The following BABAM2 variants were observed in gnomAD, a reference collection of about 807,000 sequenced individuals.
BABAM2 encodes the protein BRISC and BRCA1 A complex member 2.
Under a neutral mutation model 54.7 loss-of-function variants are expected in BABAM2, and 31 were observed. The observed-to-expected ratio is 0.57, with a 90% CI of 0.43 to 0.77. The LOEUF (loss-of-function observed/expected upper bound fraction) is 0.77. Ranked by LOEUF, BABAM2 falls within the 30% of genes least tolerant of loss-of-function variation. BABAM2 has a pLI of 0.00. For missense variants in BABAM2, 364 were observed against 455.8 expected (o/e 0.80, Z 1.83); for synonymous variants, 167 against 162.9 (o/e 1.03, Z -0.19).
At chr2:28,310,628 A>C (rs1310167281) in intron 11 of BABAM2, among the ~76,000 whole-genome samples, 1 of 152,202 alleles carries the variant, frequency 6.6e-6, no homozygotes, top group Non-Finnish European at 1.5e-5. Context: ...TCACACCTGT[A>C]ATCCCAGCAC....
chr2:28,053,006 C>T (rs1678115733), intron 6 of BABAM2, among the ~76,000 whole-genome samples: 1 of 152,164 alleles, frequency 6.6e-6, no homozygotes, highest in South Asian at 2.1e-4. Flanking sequence ...TTTAGCATTA[C>T]ATGTTTGCTA....
At chr2:27,911,032 C>T (rs1330624786) in intron 2 of BABAM2, among the ~76,000 whole-genome samples, 11 of 152,142 alleles carry the variant, frequency 7.2e-5, no homozygotes, top group Non-Finnish European at 5.9e-5. Context: ...AGGGGCTTTT[C>T]CCCCTTTTGC....
chr2:28,068,382 GCAGA>G (rs1351477796), intron 6 of BABAM2, among the ~76,000 whole-genome samples: 2 of 152,146 alleles, frequency 1.3e-5, no homozygotes, highest in African/African-American at 2.4e-5. Context: ...CTTGGCTGCT[GCAGA>G]CAGCCTTTGT....
chr2:28,024,269 G>A (rs1011205998), intron 4 of BABAM2, among the ~76,000 whole-genome samples: 3 of 152,088 alleles, frequency 2.0e-5, no homozygotes, highest in African/African-American at 7.2e-5. Flanking sequence ...AGCCGGGCCT[G>A]GTGGCGGGCG....
Position 28,087,347 on chromosome 2 carries a change from C to T in BABAM2, c.570+41548C>T, listed in dbSNP as rs547430520. On this transcript the variant is annotated intron_variant, in intron 6 of 11. Transcript: ENST00000379624. ...AGATTTTCATGGACTCATCAGAGAACTAAGGCAACAGAACAAACAGCTATC... is the reference window on the plus strand; with the variant it reads ...AGATTTTCATGGACTCATCAGAGAATTAAGGCAACAGAACAAACAGCTATC... Among the ~76,000 whole-genome samples the T allele has an allele frequency of 1.8e-4, 28 of 152,232 alleles. No individual in the cohort carries two copies. In the South Asian group the frequency reaches 3.7e-3, roughly 20 times the overall value.
At chr2:28,071,776 A>G (rs1664164824) in intron 6 of BABAM2, among the ~76,000 whole-genome samples, 1 of 152,174 alleles carries the variant, frequency 6.6e-6, no homozygotes, top group South Asian at 2.1e-4. Context: ...CAAGTTGACT[A>G]TTTATGTATT....
chr2:28,299,360 C>G (rs574910208), intron 11 of BABAM2, among the ~76,000 whole-genome samples: 50 of 152,278 alleles, frequency 3.3e-4, no homozygotes, highest in African/African-American at 1.2e-3. Flanking sequence ...ACTTTGGTGT[C>G]TGGAACATCA....
At chr2:28,071,737 C>T (rs1477629485) in intron 6 of BABAM2, among the ~76,000 whole-genome samples, 1 of 152,176 alleles carries the variant, frequency 6.6e-6, no homozygotes, top group Non-Finnish European at 1.5e-5. Context: ...ATTCCGTTTT[C>T]AAGATAATGA....
At position 28,025,406 on chromosome 2, in the gene BABAM2, A is replaced by G; in HGVS notation, c.481A>G (p.Lys161Glu). ...AGAGAACATGGAAATTTATGCTGGG[A>G]AAAAAAACAACTGGGTAAGGATTTT... ...YGENMEIYAG[K>E]KNNWTGEFSA... The change falls in exon 5 of 12, where the codon AAA becomes GAA. Residue 161 changes from lysine (K) to glutamate (E), a missense_variant. Physicochemically the swap from Lys to Glu is moderately conservative, Grantham distance 56. Coordinates refer to ENST00000379624, the MANE Select transcript of BABAM2 (RefSeq NM_199191.3). The G allele has an allele frequency of 6.4e-7, 1 of 1,567,570 alleles. No individual in the cohort carries two copies.
chr2:28,290,339 G>A (rs987118096), intron 10 of BABAM2, among the ~76,000 whole-genome samples: 4 of 152,166 alleles, frequency 2.6e-5, no homozygotes, highest in Non-Finnish European at 5.9e-5. Flanking sequence ...CTTAAGAGTG[G>A]AATTGCTGTG....
intron 2 of BABAM2, among the ~76,000 whole-genome samples, chr2:27,911,103 T>G (rs1410063113): frequency 6.6e-6 from 1 of 152,152 alleles, no homozygotes; most frequent in African/African-American, 2.4e-5. Flanking sequence ...CCTTCTGCTG[T>G]GATTGTAAGT....
chr2:28,274,079 TCTTGGGC>T (rs1685668020), intron 10 of BABAM2, among the ~76,000 whole-genome samples: 1 of 152,216 alleles, frequency 6.6e-6, no homozygotes, highest in Non-Finnish European at 1.5e-5. Context: ...TGTCTGTGGC[TCTTGGGC>T]CTTGCCACCA....
intron 3 of BABAM2, among the ~76,000 whole-genome samples, 154 bp from the exon 4 acceptor site, chr2:27,987,839 A>C (rs1314048450): frequency 6.6e-6 from 1 of 151,618 alleles, no homozygotes; most frequent in Non-Finnish European, 1.5e-5. Context: ...AAAAGATATC[A>C]GTTTATTTGA....
At position 28,196,242 on chromosome 2, in the gene BABAM2, G is replaced by T. The variant is rs187762915; in HGVS notation, c.681-40960G>T. The stretch of plus-strand genomic sequence containing the variant: ...CTCGGGAGGCTGAGGTAGGAGAATG[G>T]TGTGAACCCGGGAGGCGGAGCTTGC... On this transcript the variant is annotated intron_variant, in intron 7 of 11. Coordinates refer to ENST00000379624, the MANE Select transcript of BABAM2 (RefSeq NM_199191.3). Among the ~76,000 whole-genome samples, 41 of 151,446 alleles carry T rather than the reference G, an allele frequency of 2.7e-4. No individual in the cohort carries two copies. In the East Asian group the frequency reaches 6.8e-3, roughly 25 times the overall value.
chr2:28,219,481 C>T (rs1297658533), intron 7 of BABAM2, among the ~76,000 whole-genome samples: 5 of 152,156 alleles, frequency 3.3e-5, no homozygotes, highest in African/African-American at 4.8e-5. Context: ...CTCCTCATGT[C>T]GGGGTCCTTA....
At chr2:27,948,606 A>G (rs1347431087) in intron 3 of BABAM2, among the ~76,000 whole-genome samples, 1 of 152,146 alleles carries the variant, frequency 6.6e-6, no homozygotes, top group Non-Finnish European at 1.5e-5. Flanking sequence ...CCCTGTCTCT[A>G]CTAAAAATAC....
At chr2:28,207,759 C>T (rs1378443935) in intron 7 of BABAM2, among the ~76,000 whole-genome samples, 1 of 152,062 alleles carries the variant, frequency 6.6e-6, no homozygotes, top group Non-Finnish European at 1.5e-5. Context: ...TGGATACCTC[C>T]AAAGGATTTT....
chr2:28,018,273 T>A (rs1260948868), intron 4 of BABAM2, among the ~76,000 whole-genome samples: 1 of 152,216 alleles, frequency 6.6e-6, no homozygotes, highest in Non-Finnish European at 1.5e-5. Context: ...GTTTTTTTAT[T>A]CCTGAGTTAC....
At chr2:28,034,320 T>A (rs996984684) in intron 5 of BABAM2, among the ~76,000 whole-genome samples, 4 of 152,210 alleles carry the variant, frequency 2.6e-5, no homozygotes, top group African/African-American at 9.6e-5. Context: ...TTCCTGGAGA[T>A]AACTACATTG....
Sources: allele counts gnomAD v4.1 joint callset (sites outside exome capture counted in the v4.1 genomes callset), GRCh38; gene constraint gnomAD v4.1.1; transcripts MANE v1.5; gene names NCBI Gene and HGNC (gene_info 2026-07-23, HGNC 2026-07-21).